Variants in METTL15 observed in about 807,000 individuals in gnomAD.
METTL15 encodes 12S rRNA N(4)-cytidine methyltransferase METTL15.
In METTL15, 34 loss-of-function variants were observed where a neutral mutation model predicts 38.3. The ratio of observed to expected loss-of-function variants is 0.89; its 90% confidence interval spans 0.68 to 1.18. METTL15 has a LOEUF of 1.18. Ranked by LOEUF, METTL15 falls within the 50% of genes most tolerant of loss-of-function variation. METTL15 has a pLI of 0.00. For synonymous variants in METTL15, 162 were observed against 170.9 expected (o/e 0.95, Z 0.41); for missense variants, 438 against 498.4 (o/e 0.88, Z 1.15).
At chr11:28,502,308 G>A (rs1438726917) in intron 6 of METTL15, among the ~76,000 whole-genome samples, 1 of 152,140 alleles carries the variant, frequency 6.6e-6, no homozygotes, top group Non-Finnish European at 1.5e-5. Context: ...GAGCTAGAGA[G>A]CAAATATTGT....
At chr11:28,379,136 TTTTA>T (rs1850354835) in intron 5 of METTL15, among the ~76,000 whole-genome samples, 1 of 152,092 alleles carries the variant, frequency 6.6e-6, no homozygotes, top group South Asian at 2.1e-4. Flanking sequence ...TGTTTGTTGA[TTTTA>T]TTTATCTTTT....
chr11:28,142,015 A>C (rs1322501984), intron 3 of METTL15, among the ~76,000 whole-genome samples: 1 of 152,202 alleles, frequency 6.6e-6, no homozygotes, highest in Non-Finnish European at 1.5e-5. Flanking sequence ...AAGTGAGATG[A>C]AGTCAGCTAT....
At chr11:28,271,890 C>T (rs1376054373) in intron 4 of METTL15, among the ~76,000 whole-genome samples, 1 of 151,994 alleles carries the variant, frequency 6.6e-6, no homozygotes, top group Non-Finnish European at 1.5e-5. Flanking sequence ...ACAACACCGT[C>T]AAAAAGTGGG....
At chr11:28,153,154 A>G (rs1044359038) in intron 3 of METTL15, among the ~76,000 whole-genome samples, 2 of 151,912 alleles carry the variant, frequency 1.3e-5, no homozygotes, top group African/African-American at 2.4e-5. Flanking sequence ...CTTTGTGACT[A>G]TATCTTGTGC....
intron 3 of METTL15, among the ~76,000 whole-genome samples, chr11:28,146,212 A>G (rs1185605829): frequency 6.6e-6 from 1 of 152,092 alleles, no homozygotes; most frequent in Non-Finnish European, 1.5e-5. Flanking sequence ...ATCTAAATTT[A>G]TCACAAGGTT....
intron 3 of METTL15, among the ~76,000 whole-genome samples, chr11:28,200,065 A>G (rs1852053318): frequency 6.6e-6 from 1 of 152,052 alleles, no homozygotes; most frequent in African/African-American, 2.4e-5. Context: ...TGCATAGTAA[A>G]TTGTATCTGT....
intron 4 of METTL15, among the ~76,000 whole-genome samples, chr11:28,235,862 A>G (rs927565294): frequency 3.3e-5 from 5 of 152,182 alleles, no homozygotes; most frequent in Admixed American, 6.5e-5. Context: ...GAGTGGTGAG[A>G]GAGGGCATCC....
intron 5 of METTL15, among the ~76,000 whole-genome samples, chr11:28,379,896 A>G (rs1050776549): frequency 6.6e-6 from 1 of 152,084 alleles, no homozygotes; most frequent in African/African-American, 2.4e-5. Flanking sequence ...TGCTCCAGTG[A>G]TGGTTGTGTA....
chr11:28,411,229 C>T (rs908245089), intron 5 of METTL15, among the ~76,000 whole-genome samples: 7 of 151,738 alleles, frequency 4.6e-5, no homozygotes, highest in African/African-American at 1.7e-4. Flanking sequence ...GTGCTCTTCA[C>T]AGAAAAAGAA....
At chr11:28,327,802 C>A in intron 6 of METTL15, 1 of 261,354 alleles carries the variant, frequency 3.8e-6, no homozygotes, top group Non-Finnish European at 7.1e-6. Flanking sequence ...TGTTATGAAA[C>A]ATTCCATTTT....
At chr11:28,286,911 GT>G (rs1856286806) in intron 4 of METTL15, among the ~76,000 whole-genome samples, 1 of 151,376 alleles carries the variant, frequency 6.6e-6, no homozygotes, top group Admixed American at 6.6e-5. Flanking sequence ...ATATGTGTGT[GT>G]GTACATATAT....
At chr11:28,150,247 A>G (rs1207484644) in intron 3 of METTL15, among the ~76,000 whole-genome samples, 2 of 151,926 alleles carry the variant, frequency 1.3e-5, no homozygotes, top group African/African-American at 2.4e-5. Context: ...CTAGTATAGT[A>G]TTGATCTTTT....
At chr11:28,412,472 CTG>C (rs895610023) in intron 5 of METTL15, among the ~76,000 whole-genome samples, 3 of 151,626 alleles carry the variant, frequency 2.0e-5, no homozygotes, top group African/African-American at 7.3e-5. Flanking sequence ...CTCACATTTT[CTG>C]TTATGGTGAT....
At chr11:28,344,583 G>A (rs1044072452) in intron 3 of METTL15, among the ~76,000 whole-genome samples, 4 of 152,150 alleles carry the variant, frequency 2.6e-5, no homozygotes, top group African/African-American at 9.7e-5. Flanking sequence ...GGTAAAGGCT[G>A]AGATTTCTGC....
chr11:28,129,331 C>T (rs1852645398), intron 3 of METTL15, among the ~76,000 whole-genome samples: 1 of 152,034 alleles, frequency 6.6e-6, no homozygotes, highest in Admixed American at 6.6e-5. Context: ...AAAACACAGT[C>T]ATACTTTGAC....
intron 6 of METTL15, among the ~76,000 whole-genome samples, chr11:28,425,882 A>G (rs1391313324): frequency 6.6e-6 from 1 of 152,190 alleles, no homozygotes; most frequent in African/African-American, 2.4e-5. Flanking sequence ...TTGTTGACAA[A>G]CTATTTGAAT....
chr11:28,142,247 A>C (rs1849724797), intron 3 of METTL15, among the ~76,000 whole-genome samples: 1 of 152,202 alleles, frequency 6.6e-6, no homozygotes, highest in African/African-American at 2.4e-5. Flanking sequence ...GGTTTTATAG[A>C]TAGAAAAGGG....
chr11:28,224,550 A>G (rs573064566), intron 4 of METTL15, among the ~76,000 whole-genome samples: 1 of 152,036 alleles, frequency 6.6e-6, no homozygotes, highest in Admixed American at 6.5e-5. Flanking sequence ...ATATGTTCAT[A>G]TATGATACAT....
chr11:28,154,766 T>C (rs1384081310), intron 3 of METTL15, among the ~76,000 whole-genome samples: 2 of 152,128 alleles, frequency 1.3e-5, no homozygotes, highest in Non-Finnish European at 2.9e-5. Context: ...CCTGATTATA[T>C]AGTATGTAGT....
Sources: allele counts gnomAD v4.1 joint callset (sites outside exome capture counted in the v4.1 genomes callset), GRCh38; gene constraint gnomAD v4.1.1; transcripts MANE v1.5; gene names NCBI Gene and HGNC (gene_info 2026-07-23, HGNC 2026-07-21).